The following UBE2R2 variants were observed in gnomAD, a reference collection of about 807,000 sequenced individuals.
The protein encoded by UBE2R2 is ubiquitin conjugating enzyme E2 R2.
Under a neutral mutation model 27.8 loss-of-function variants are expected in UBE2R2, and 1 was observed. The ratio of observed to expected loss-of-function variants is 0.04; its 90% CI spans 0.01 to 0.17. The LOEUF is 0.17. Among genes scored for constraint, UBE2R2 ranks in the 10% least tolerant of loss-of-function variants. The pLI is 1.00. For synonymous variants in UBE2R2, 106 were observed against 113.3 expected, an observed-to-expected ratio of 0.94 and a Z score of 0.41; for missense variants, 100 against 291.0, an observed-to-expected ratio of 0.34 and a Z score of 4.78.
At chr9:33,915,663 A>G (rs573501413) in intron 4 of UBE2R2, among the ~76,000 whole-genome samples, 7 of 152,348 alleles carry the variant, frequency 4.6e-5, no homozygotes, top group African/African-American at 1.4e-4. Context: ...CATTCATACA[A>G]TCAGTATTTA....
chr9:33,865,992 C>T (rs1239485805), intron 1 of UBE2R2, among the ~76,000 whole-genome samples: 3 of 151,746 alleles, frequency 2.0e-5, no homozygotes, highest in South Asian at 4.2e-4. Flanking sequence ...CCACCACACT[C>T]GGCTAATTTT....
intron 1 of UBE2R2, among the ~76,000 whole-genome samples, chr9:33,855,018 CATATT>C (rs774302070): frequency 0.39 from 59,047 of 151,638 alleles, 11,836 homozygotes; most frequent in South Asian, 0.47. Context: ...ATAGTTAATT[CATATT>C]AACATTCCTG....
chr9:33,892,532 G>T (rs1048948795), intron 2 of UBE2R2, among the ~76,000 whole-genome samples: 1 of 152,052 alleles, frequency 6.6e-6, no homozygotes, highest in Non-Finnish European at 1.5e-5. Context: ...CCTCTATGGG[G>T]TTATACATTT....
At chr9:33,903,831 G>T (rs975535689) in intron 3 of UBE2R2, among the ~76,000 whole-genome samples, 2 of 152,168 alleles carry the variant, frequency 1.3e-5, no homozygotes, top group African/African-American at 4.8e-5. Flanking sequence ...CTGCTTTTAT[G>T]CTGCTTTGTT....
chr9:33,884,225 T>TCTCTCTCTCTCTCTCTCC (rs753452133), intron 1 of UBE2R2, among the ~76,000 whole-genome samples: 2 of 145,726 alleles, frequency 1.4e-5, no homozygotes, highest in Non-Finnish European at 3.0e-5. Context: ...TCTCTCTCTC[T>TCTCTCTCTCTCTCTCTCC]CTCTCTCTCT....
At chr9:33,816,861 C>T (rs1164024683), upstream of UBE2R2, among the ~76,000 whole-genome samples, 1 of 152,242 alleles carries the variant, frequency 6.6e-6, no homozygotes, top group African/African-American at 2.4e-5. Flanking sequence ...GGCGTCCAGC[C>T]GCACAACCGT....
At chr9:33,907,838 T>TG (rs892743786) in intron 3 of UBE2R2, among the ~76,000 whole-genome samples, 7 of 151,780 alleles carry the variant, frequency 4.6e-5, no homozygotes, top group African/African-American at 9.7e-5. Flanking sequence ...TTGTTGTTGT[T>TG]TTTTTTTAAG....
At chr9:33,847,014 G>GTT (rs1281684177) in intron 1 of UBE2R2, among the ~76,000 whole-genome samples, 1 of 138,814 alleles carries the variant, frequency 7.2e-6, no homozygotes, top group African/African-American at 2.7e-5. Context: ...TTTTTTGAAG[G>GTT]TTTTTTTTTT....
At chr9:33,845,894 G>A (rs1587440487) in intron 1 of UBE2R2, among the ~76,000 whole-genome samples, 1 of 151,974 alleles carries the variant, frequency 6.6e-6, no homozygotes, top group East Asian at 1.9e-4. Flanking sequence ...TGTAATTCCA[G>A]CACTTTGGGA....
intron 1 of UBE2R2, among the ~76,000 whole-genome samples, chr9:33,863,245 C>G (rs117394622): frequency 2.3e-4 from 35 of 151,688 alleles, no homozygotes; most frequent in Admixed American, 1.1e-3. Flanking sequence ...CATGGTAAGC[C>G]GGGCGTGGTG....
chr9:33,897,775 CTTTTTTTTT>C (rs35277355), intron 2 of UBE2R2, among the ~76,000 whole-genome samples: 13 of 127,978 alleles, frequency 1.0e-4, no homozygotes, highest in African/African-American at 3.9e-4. Flanking sequence ...TTTCTTTTTT[CTTTTTTTTT>C]TTTTTTTTGA....
At chr9:33,907,888 G>A (rs187355342) in intron 3 of UBE2R2, among the ~76,000 whole-genome samples, 15 of 152,182 alleles carry the variant, frequency 9.9e-5, no homozygotes, top group Non-Finnish European at 1.0e-4. Context: ...GAGTGCAATG[G>A]CACGATCTCG....
At chr9:33,864,721 ATTT>A (rs532796406) in intron 1 of UBE2R2, among the ~76,000 whole-genome samples, 7,676 of 132,122 alleles carry the variant, frequency 0.058, 468 homozygotes, top group African/African-American at 0.16. Flanking sequence ...CTAACTTTTA[ATTT>A]TTTTTTTTTT....
At chr9:33,879,045 C>T (rs1202150903) in intron 1 of UBE2R2, among the ~76,000 whole-genome samples, 1 of 152,040 alleles carries the variant, frequency 6.6e-6, no homozygotes, top group Admixed American at 6.6e-5. Context: ...AGTTTGAGAC[C>T]AGCCTGGGCA....
At chr9:33,908,569 A>G (rs943652835) in intron 3 of UBE2R2, among the ~76,000 whole-genome samples, 1 of 152,224 alleles carries the variant, frequency 6.6e-6, no homozygotes, top group Non-Finnish European at 1.5e-5. Flanking sequence ...AGTCTGCTGT[A>G]TTACTCAGTG....
intron 1 of UBE2R2, among the ~76,000 whole-genome samples, chr9:33,846,986 C>G (rs1304298760): frequency 8.7e-6 from 1 of 114,892 alleles, no homozygotes; most frequent in East Asian, 2.4e-4. Flanking sequence ...CTGAAAACAT[C>G]TTTATTTTGC....
intron 2 of UBE2R2, among the ~76,000 whole-genome samples, chr9:33,897,084 T>C (rs1273596178): frequency 8.2e-6 from 1 of 122,208 alleles, no homozygotes; most frequent in East Asian, 2.9e-4. Flanking sequence ...TTGCCCAGGC[T>C]GGAGTGCAGT....
chr9:33,892,385 AT>A (rs1291336616), intron 2 of UBE2R2, among the ~76,000 whole-genome samples: 1 of 152,088 alleles, frequency 6.6e-6, no homozygotes, highest in South Asian at 2.1e-4. Flanking sequence ...GTACCTAAAC[AT>A]TTTTTATAAT....
intron 1 of UBE2R2, among the ~76,000 whole-genome samples, chr9:33,885,861 T>C (rs1821841839): frequency 6.6e-6 from 1 of 152,222 alleles, no homozygotes; most frequent in African/African-American, 2.4e-5. Flanking sequence ...TCTTCATATA[T>C]AAAATACGGG....
Sources: allele counts gnomAD v4.1 joint callset (sites outside exome capture counted in the v4.1 genomes callset), GRCh38; gene constraint gnomAD v4.1.1; transcripts MANE v1.5; gene names NCBI Gene and HGNC (gene_info 2026-07-23, HGNC 2026-07-21).